The following RIPOR2 variants were observed in gnomAD, a reference collection of about 807,000 sequenced individuals.
RIPOR2 encodes the protein rho family-interacting cell polarization regulator 2.
RIPOR2 carries 39 observed loss-of-function variants against 114.5 expected under a neutral mutation model. The observed-to-expected ratio is 0.34, with a 90% confidence interval of 0.26 to 0.44. RIPOR2 has a LOEUF of 0.44. Among genes scored for constraint, RIPOR2 ranks in the 20% least tolerant of loss-of-function variants. RIPOR2 has a pLI of 1.00. For synonymous variants in RIPOR2, 445 were observed against 484.4 expected (o/e 0.92, Z 1.07); for missense variants, 1,007 against 1,255.1 (o/e 0.80, Z 2.99).
At chr6:25,002,542 G>A (rs1388830011) in intron 1 of RIPOR2, among the ~76,000 whole-genome samples, 1 of 152,142 alleles carries the variant, frequency 6.6e-6, no homozygotes, top group Non-Finnish European at 1.5e-5. Context: ...CTTCCTGCAC[G>A]TTTCCATAGA....
chr6:24,903,219 G>T (rs1348768671), intron 1 of RIPOR2, among the ~76,000 whole-genome samples: 1 of 152,166 alleles, frequency 6.6e-6, no homozygotes, highest in Non-Finnish European at 1.5e-5. Context: ...TAGTCAGACT[G>T]CTTGCATGGT....
chr6:25,022,532 ATTTTTTTTTTTTTTTTT>A lies in RIPOR2; in HGVS notation c.76+19302_76+19318del, dbSNP rs10564019. 8.3e-4 allele frequency among the ~76,000 whole-genome samples: 34 copies of A among 40,994 alleles called. 2 individuals carry two copies. The highest frequency in any genetic ancestry group is 3.8e-3 in the South Asian group (3 of 790). 26.9% of individuals were successfully genotyped at this position (40,994 alleles called of 152,430 possible). A position where few individuals can be genotyped will look rare whatever the true frequency, so the allele number is the denominator to read the frequency against. Reference sequence around the variant, plus strand: ...ACATATAACTAATGTGGTACCTTCCATTTTTTTTTTTTTTTTTTTTTTTTTTTTTTTTTTTTAGACAG... The same window carrying A: ...ACATATAACTAATGTGGTACCTTCCATTTTTTTTTTTTTTTTTTTAGACAG... On this transcript the variant is annotated intron_variant, in intron 1 of 13. Transcript: ENST00000510784.
intron 3 of RIPOR2, among the ~76,000 whole-genome samples, chr6:24,873,392 T>C (rs1374399155): frequency 6.6e-6 from 1 of 152,192 alleles, no homozygotes; most frequent in Non-Finnish European, 1.5e-5. Flanking sequence ...AGAATGGATA[T>C]GTCTGTCCAT....
intron 1 of RIPOR2, among the ~76,000 whole-genome samples, chr6:24,908,551 A>G (rs1769210027): frequency 6.6e-6 from 1 of 152,174 alleles, no homozygotes; most frequent in Non-Finnish European, 1.5e-5. Flanking sequence ...GTGGGCATGT[A>G]GTTGGTATCA....
At chr6:25,030,084 T>A (rs1344353346) in intron 1 of RIPOR2, among the ~76,000 whole-genome samples, 1 of 151,952 alleles carries the variant, frequency 6.6e-6, no homozygotes, top group Middle Eastern at 3.2e-3. Flanking sequence ...GTCTCTCCCC[T>A]CTCTCCCATC....
intron 6 of RIPOR2, 151 bp downstream of exon 6, chr6:24,868,943 T>C (rs952617363): frequency 5.5e-6 from 3 of 543,564 alleles, no homozygotes; most frequent in Non-Finnish European, 1.0e-5. Flanking sequence ...CCTCCATCTT[T>C]AGTGCCCACT....
intron 1 of RIPOR2, among the ~76,000 whole-genome samples, chr6:24,997,308 T>G (rs796858045): frequency 3.3e-5 from 5 of 152,156 alleles, no homozygotes; most frequent in African/African-American, 1.2e-4. Context: ...ATGCTCACTA[T>G]GTAGTAAACA....
At chr6:24,873,951 G>A (rs1263746818) in intron 2 of RIPOR2, among the ~76,000 whole-genome samples, 152 bp from the exon 3 acceptor site, 1 of 152,136 alleles carries the variant, frequency 6.6e-6, no homozygotes, top group African/African-American at 2.4e-5. Context: ...ATAGCTCACT[G>A]CAGCCTTGAA....
rs527943049 is a variant in RIPOR2 at position 24,842,322 on chromosome 6, A to G, written c.1857+540T>C. Among the ~76,000 whole-genome samples the G allele has an allele frequency of 2.0e-5, 3 of 152,224 alleles. No homozygotes were observed. The East Asian group carries it at 5.8e-4, about 29-fold the overall frequency. On this transcript the variant is annotated intron_variant, in intron 13 of 21. Coordinates refer to ENST00000643898, the MANE Select transcript of RIPOR2 (RefSeq NM_001286445.3). ...CCCTATGGATTGAGGGTATCCCTGG[A>G]GAGTCTGTAGATCTCCCGCTCTAGA...
intron 7 of RIPOR2, among the ~76,000 whole-genome samples, chr6:24,864,969 A>C (rs919133378): frequency 1.3e-5 from 2 of 152,128 alleles, no homozygotes; most frequent in Non-Finnish European, 2.9e-5. Context: ...TATTTTAGAG[A>C]TGTGGCCTCG....
intron 1 of RIPOR2, among the ~76,000 whole-genome samples, chr6:24,980,684 G>C (rs886232797): frequency 1.3e-5 from 2 of 152,168 alleles, no homozygotes; most frequent in African/African-American, 4.8e-5. Context: ...ACATCCCCAG[G>C]TGCAAGTGGG....
At chr6:24,843,973 C>A (rs528811381) in intron 12 of RIPOR2, among the ~76,000 whole-genome samples, 4 of 152,142 alleles carry the variant, frequency 2.6e-5, no homozygotes, top group South Asian at 2.1e-4. Context: ...AACTTTCCAA[C>A]ATCCATGCAA....
At chr6:24,901,168 G>A (rs969389136) in intron 1 of RIPOR2, among the ~76,000 whole-genome samples, 1 of 151,326 alleles carries the variant, frequency 6.6e-6, no homozygotes, top group African/African-American at 2.4e-5. Flanking sequence ...TCCCCCAGCT[G>A]GATTATAAAG....
At chr6:25,027,281 G>A (rs1255534774) in intron 1 of RIPOR2, among the ~76,000 whole-genome samples, 1 of 152,224 alleles carries the variant, frequency 6.6e-6, no homozygotes, top group Non-Finnish European at 1.5e-5. Context: ...CCCAAGCATC[G>A]AGAAGCGAAG....
At chr6:24,965,753 G>A (rs868166862) in intron 1 of RIPOR2, among the ~76,000 whole-genome samples, 1 of 152,162 alleles carries the variant, frequency 6.6e-6, no homozygotes, top group Non-Finnish European at 1.5e-5. Flanking sequence ...CAAAACAAAT[G>A]TGTAGCTAAT....
chr6:24,940,501 G>C (rs780149528), upstream of RIPOR2, among the ~76,000 whole-genome samples: 40 of 152,012 alleles, frequency 2.6e-4, no homozygotes, highest in Non-Finnish European at 3.8e-4. Context: ...GGAGTGGTAG[G>C]AATCAGAAAA....
At chr6:24,843,698 C>T (rs902647154) in intron 12 of RIPOR2, 144 bp from the exon 13 acceptor site, 17 of 367,130 alleles carry the variant, frequency 4.6e-5, no homozygotes, top group South Asian at 1.5e-4. Context: ...TTGTTGATGC[C>T]GTGTGTGTGT....
intron 18 of RIPOR2, 101 bp from the exon 19 acceptor site, chr6:24,825,529 T>C (rs551278686): frequency 6.8e-5 from 55 of 804,458 alleles, no homozygotes; most frequent in South Asian, 4.8e-4. Context: ...AAGTATAGTA[T>C]AGTAACTCCA....
intron 1 of RIPOR2, among the ~76,000 whole-genome samples, chr6:24,890,297 T>TAC (rs1158175631): frequency 6.6e-6 from 1 of 152,238 alleles, no homozygotes; most frequent in South Asian, 2.1e-4. Context: ...GTGGTATATA[T>TAC]ACACAATACA....
Sources: allele counts gnomAD v4.1 joint callset (sites outside exome capture counted in the v4.1 genomes callset), GRCh38; gene constraint gnomAD v4.1.1; transcripts MANE v1.5; gene names NCBI Gene and HGNC (gene_info 2026-07-23, HGNC 2026-07-21).